Variants in ACTL8 observed in about 807,000 individuals in gnomAD.
ACTL8 encodes actin like 8, also known as actin-like protein 8.
In ACTL8, 3 loss-of-function variants were observed where a neutral mutation model predicts 9.3. That is an observed-to-expected ratio of 0.32 (90% CI 0.15 to 0.83). The LOEUF is 0.83. Among genes scored for constraint, ACTL8 ranks in the 40% least tolerant of loss-of-function variants. The pLI is 0.57. For missense variants in ACTL8, 381 were observed against 492.2 expected (o/e 0.77, Z 2.14); for synonymous variants, 224 against 205.9 (o/e 1.09, Z -0.75).
chr1:17,765,653 C>T (rs1352299988), intron 1 of ACTL8, among the ~76,000 whole-genome samples: 1 of 152,178 alleles, frequency 6.6e-6, no homozygotes, highest in African/African-American at 2.4e-5. Context: ...CATTGTTGCT[C>T]CCTCGTAGCA....
intron 1 of ACTL8, among the ~76,000 whole-genome samples, chr1:17,793,549 A>G (rs2066256780): frequency 6.6e-6 from 1 of 152,108 alleles, no homozygotes; most frequent in East Asian, 1.9e-4. Context: ...AATCTGATTC[A>G]TTTTAGAACC....
chr1:17,778,401 T>C (rs927757271), intron 1 of ACTL8, among the ~76,000 whole-genome samples: 2 of 151,956 alleles, frequency 1.3e-5, no homozygotes, highest in Non-Finnish European at 2.9e-5. Context: ...CAAGCTAAGC[T>C]GCTCCCACTG....
intron 1 of ACTL8, among the ~76,000 whole-genome samples, chr1:17,774,600 A>C (rs577308210): frequency 6.6e-6 from 1 of 152,274 alleles, no homozygotes; most frequent in South Asian, 2.1e-4. Flanking sequence ...GTGTTCAGGC[A>C]GCAGGAAGAG....
intron 2 of ACTL8, among the ~76,000 whole-genome samples, chr1:17,824,418 A>C (rs1292757480): frequency 6.6e-6 from 1 of 152,190 alleles, no homozygotes; most frequent in East Asian, 1.9e-4. Context: ...TGAAGACAAA[A>C]CAGGAATTCT....
At chr1:17,805,171 C>T (rs2066350172) in intron 1 of ACTL8, among the ~76,000 whole-genome samples, 1 of 152,028 alleles carries the variant, frequency 6.6e-6, no homozygotes, top group Non-Finnish European at 1.5e-5. Context: ...TTTGCATTTG[C>T]CCAGAACCCT....
chr1:17,769,599 A>G (rs1206239105), intron 1 of ACTL8, among the ~76,000 whole-genome samples: 1 of 152,104 alleles, frequency 6.6e-6, no homozygotes, highest in Non-Finnish European at 1.5e-5. Context: ...GGTGGTGGTG[A>G]TCGTGGCAGG....
chr1:17,779,508 G>C (rs1231621702), intron 1 of ACTL8, among the ~76,000 whole-genome samples: 1 of 152,202 alleles, frequency 6.6e-6, no homozygotes, highest in Non-Finnish European at 1.5e-5. Flanking sequence ...AGTCAGGATA[G>C]GCCAGGCTGT....
In ACTL8 at chr1:17,796,007, A is replaced by T. The variant is rs79356727; in HGVS notation, c.-24-26978A>T. Reference sequence around the variant, plus strand: ...CTCAGGAAGTCCCCTGGGGCCTTTAAAAGCTGAGCTAGGGAGGGAGAGAGC... The same window carrying T: ...CTCAGGAAGTCCCCTGGGGCCTTTATAAGCTGAGCTAGGGAGGGAGAGAGC... On this transcript the variant is annotated intron_variant, in intron 1 of 2. Transcript: ENST00000375406. Among the ~76,000 whole-genome samples the T allele has an allele frequency of 3.4e-3, 512 of 152,234 alleles. 11 individuals are homozygous for T. The East Asian group carries it at 0.06, about 18-fold the overall frequency.
intron 1 of ACTL8, among the ~76,000 whole-genome samples, chr1:17,772,095 C>T (rs1428429735): frequency 1.3e-5 from 2 of 152,120 alleles, no homozygotes; most frequent in Non-Finnish European, 1.5e-5. Context: ...TTCGTGTATC[C>T]CCGTGAGGCT....
At chr1:17,757,896 C>T (rs1471286558) in intron 1 of ACTL8, among the ~76,000 whole-genome samples, 1 of 152,172 alleles carries the variant, frequency 6.6e-6, no homozygotes, top group African/African-American at 2.4e-5. Context: ...GAAACTTGGA[C>T]TTGACAGTAA....
At chr1:17,797,462 A>G (rs1847235) in intron 1 of ACTL8, among the ~76,000 whole-genome samples, 32,907 of 152,068 alleles carry the variant, frequency 0.22, 4,409 homozygotes, top group Admixed American at 0.38. Flanking sequence ...GAATGTTCCC[A>G]AAAGGAGTGT....
chr1:17,764,096 G>T (rs947697468), intron 1 of ACTL8, among the ~76,000 whole-genome samples: 1 of 152,182 alleles, frequency 6.6e-6, no homozygotes, highest in African/African-American at 2.4e-5. Flanking sequence ...GGGTGGGGGT[G>T]GGGGTGCTGG....
At position 17,825,926 on chromosome 1, in the gene ACTL8, G is replaced by A. The variant is rs757497146; in HGVS notation, c.508G>A (p.Gly170Ser). Residue 170 changes from glycine to serine, a missense_variant, in exon 3 of 3, where the codon GGC becomes AGC. Coordinates refer to ENST00000375406, the MANE Select transcript of ACTL8 (RefSeq NM_030812.3). ...FHQGRPLPAS[G>S]KTLEFAGQDL... ...CCAGGGCCGCCCCTTGCCCGCCAGC[G>A]GCAAGACGCTGGAGTTCGCCGGCCA... The A allele has an allele frequency of 3.2e-5, 52 of 1,612,252 alleles. No homozygotes were observed. Among genetic ancestry groups the A allele is most frequent in the South Asian group, 4.4e-5 (4 of 91,076 alleles).
At chr1:17,796,443 A>G (rs1005304276) in intron 1 of ACTL8, among the ~76,000 whole-genome samples, 5 of 152,018 alleles carry the variant, frequency 3.3e-5, no homozygotes, top group Non-Finnish European at 7.4e-5. Flanking sequence ...ATCTCATTTA[A>G]TCTTTACCAT....
chr1:17,779,905 A>G (rs1431930183), intron 1 of ACTL8, among the ~76,000 whole-genome samples: 2 of 152,188 alleles, frequency 1.3e-5, no homozygotes, highest in Non-Finnish European at 2.9e-5. Context: ...CCATGAATCC[A>G]TAAAGCTTAA....
chr1:17,825,694 C>G (rs1023033153), intron 2 of ACTL8, 73 bp from the exon 3 acceptor site: 2 of 1,543,672 alleles, frequency 1.3e-6, no homozygotes, highest in Non-Finnish European at 1.7e-6. Flanking sequence ...GGATGGGGCT[C>G]TGTGCTGACT....
intron 1 of ACTL8, among the ~76,000 whole-genome samples, chr1:17,765,981 GC>G (rs2066041864): frequency 6.6e-6 from 1 of 152,206 alleles, no homozygotes; most frequent in South Asian, 2.1e-4. Flanking sequence ...CCTGTGGCCT[GC>G]CCTCCTGCAG....
chr1:17,774,348 C>G (rs2066103733), intron 1 of ACTL8, among the ~76,000 whole-genome samples: 1 of 152,008 alleles, frequency 6.6e-6, no homozygotes, highest in Admixed American at 6.5e-5. Context: ...TGCTGAGTCC[C>G]AGGGCCAGAC....
At position 17,823,480 on chromosome 1, in the gene ACTL8, T is replaced by C; in HGVS notation, c.348+124T>C. 3.1e-6 allele frequency: 3 copies of C among 953,938 alleles called. No homozygotes were observed. Among genetic ancestry groups the C allele is most frequent in the East Asian group, 2.6e-5 (1 of 37,970 alleles). 59.1% of individuals were successfully genotyped at this position (953,938 alleles called of 1,614,324 possible). A position where few individuals can be genotyped will look rare whatever the true frequency, so the allele number is the denominator to read the frequency against. ...ATTGCCAACCAGGTGTGGTGGCTTATGCCTGTAATCCCAACACTTTGGGAC... is the reference window on the plus strand; with the variant it reads ...ATTGCCAACCAGGTGTGGTGGCTTACGCCTGTAATCCCAACACTTTGGGAC... On this transcript the variant is annotated intron_variant, in intron 2 of 2. Transcript: ENST00000375406. The surrounding 1 kb of genome is among the most constrained non-coding windows in gnomAD (Gnocchi z 5.3).
Sources: gnomAD v4.1 joint callset for allele counts (sites outside exome capture counted in the v4.1 genomes callset) on GRCh38, gnomAD v4.1.1 for gene constraint, Gnocchi (gnomAD v3.1) non-coding constraint, MANE v1.5 for transcripts, NCBI Gene and HGNC (gene_info 2026-07-23, HGNC 2026-07-21) for gene names.